RARB: variants seen among roughly 807,000 people sequenced by gnomAD.
RARB encodes HBV-activated protein.
Under a neutral mutation model 51.9 loss-of-function variants are expected in RARB, and 17 were observed. The observed-to-expected ratio is 0.33, with a 90% CI of 0.22 to 0.49. RARB has a LOEUF of 0.49. RARB is among the 20% of genes least tolerant of loss of function. The pLI, the probability that RARB is intolerant of heterozygous loss-of-function variation, is 0.99. For missense variants in RARB, 369 were observed against 550.8 expected (o/e 0.67, Z 3.30); for synonymous variants, 215 against 195.4 (o/e 1.10, Z -0.84).
Position 25,436,524 on chromosome 3 carries a change from A to G in RARB, c.157+7636A>G, listed in dbSNP as rs116825272. Among the ~76,000 whole-genome samples the G allele has an allele frequency of 3.5e-3, 533 of 152,294 alleles. 4 individuals carry two copies. Among genetic ancestry groups the G allele is most frequent in the African/African-American group, 0.012 (504 of 41,574 alleles). ...TTAGAGATTATTTATTGAAAGCTTTAATTGTTCACTGGGGCCCTCCTTATC... is the reference window on the plus strand; with the variant it reads ...TTAGAGATTATTTATTGAAAGCTTTGATTGTTCACTGGGGCCCTCCTTATC... On this transcript the variant is annotated intron_variant, in intron 1 of 7. Transcript: ENST00000330688.
chr3:25,050,710 T>G (rs1698315760), intron 2 of RARB, among the ~76,000 whole-genome samples: 1 of 152,208 alleles, frequency 6.6e-6, no homozygotes, highest in Admixed American at 6.5e-5. Flanking sequence ...TAGAAAAAGA[T>G]TTAACTCTTT....
At chr3:25,539,369 A>G (rs1699271525) in intron 3 of RARB, among the ~76,000 whole-genome samples, 1 of 152,026 alleles carries the variant, frequency 6.6e-6, no homozygotes, top group African/African-American at 2.4e-5. Context: ...CAAGGTACTG[A>G]GAATAATTCT....
chr3:24,971,141 G>A (rs1299401211), intron 2 of RARB, among the ~76,000 whole-genome samples: 1 of 151,904 alleles, frequency 6.6e-6, no homozygotes, highest in Non-Finnish European at 1.5e-5. Context: ...CATTTCTAAT[G>A]ACATCTATTG....
In RARB at chr3:25,218,427, C is replaced by G. The variant is rs114709426; in HGVS notation, c.178+43852C>G. Among the ~76,000 whole-genome samples, 692 of 152,066 alleles carry G rather than the reference C, an allele frequency of 4.6e-3. 9 individuals carry two copies. The highest frequency in any genetic ancestry group is 0.016 in the African/African-American group (647 of 41,482). ...GTATAGTTCCCAAGTTGTTCCTTTT[C>G]ACTTGTGAAAAGTGTCATTGTAAAA... On this transcript the variant is annotated intron_variant, in intron 5 of 11. Transcript: ENST00000383772.
At chr3:25,401,224 T>C (rs947107002) in intron 5 of RARB, among the ~76,000 whole-genome samples, 1 of 152,200 alleles carries the variant, frequency 6.6e-6, no homozygotes, top group Admixed American at 6.5e-5. Flanking sequence ...AAGGTAGACC[T>C]GGGCTGAGAA....
chr3:25,467,728 C>T (rs529637048), intron 2 of RARB, among the ~76,000 whole-genome samples: 7 of 152,296 alleles, frequency 4.6e-5, no homozygotes, highest in Admixed American at 1.3e-4. Flanking sequence ...GGTTACATAC[C>T]GTCTTCTATT....
At chr3:24,953,471 A>G (rs914727051) in intron 2 of RARB, among the ~76,000 whole-genome samples, 2 of 152,168 alleles carry the variant, frequency 1.3e-5, no homozygotes, top group Non-Finnish European at 2.9e-5. Flanking sequence ...ACACTAGTGC[A>G]TTTAAGAAAG....
At chr3:25,391,329 A>G (rs775720607) in intron 5 of RARB, among the ~76,000 whole-genome samples, 61 of 151,930 alleles carry the variant, frequency 4.0e-4, no homozygotes, top group Non-Finnish European at 8.1e-4. Flanking sequence ...ATATTTTTGC[A>G]GTTGTGAATT....
intron 5 of RARB, among the ~76,000 whole-genome samples, chr3:25,390,471 C>T (rs920968106): frequency 4.9e-4 from 74 of 152,246 alleles, no homozygotes; most frequent in African/African-American, 1.7e-3. Context: ...CCCAGTCTAA[C>T]GTATTTTGTT....
At chr3:25,534,938 A>G (rs1699077112) in intron 3 of RARB, among the ~76,000 whole-genome samples, 1 of 152,144 alleles carries the variant, frequency 6.6e-6, no homozygotes, top group African/African-American at 2.4e-5. Context: ...CCCAGACCAT[A>G]TTCTGTATGC....
intron 5 of RARB, among the ~76,000 whole-genome samples, chr3:25,186,327 C>T (rs1474203534): frequency 6.6e-6 from 1 of 151,372 alleles, no homozygotes; most frequent in African/African-American, 2.4e-5. Context: ...TCATCAGATA[C>T]TTTGAAACAC....
upstream of RARB, among the ~76,000 whole-genome samples, chr3:25,425,952 C>G (rs1267634220): frequency 2.6e-5 from 4 of 152,224 alleles, no homozygotes; most frequent in African/African-American, 9.7e-5. Flanking sequence ...TGCCATGTTT[C>G]TCATCTCTAA....
At position 25,326,946 on chromosome 3, in the gene RARB, G is replaced by A. The variant is rs1004523497; in HGVS notation, c.179-134247G>A. Among the ~76,000 whole-genome samples the A allele has an allele frequency of 2.6e-5, 4 of 151,732 alleles. No homozygotes were observed. The South Asian group carries it at 6.2e-4, about 24-fold the overall frequency. On this transcript the variant is annotated intron_variant, in intron 5 of 11. Coordinates refer to the RARB transcript ENST00000383772. ...GTTGGTGTGCTGCACCCATTAACTC[G>A]TCATTTAACATTAGGTATATCTCCT...
In RARB at chr3:25,557,704, G is replaced by T. The variant is rs79150487; in HGVS notation, c.449-12054G>T. 5.4e-3 allele frequency among the ~76,000 whole-genome samples: 824 copies of T among 152,214 alleles called. 6 individuals carry two copies. The highest frequency in any genetic ancestry group is 0.019 in the African/African-American group (769 of 41,518). On this transcript the variant is annotated intron_variant, in intron 3 of 7. Transcript: ENST00000330688. Reference sequence around the variant, plus strand: ...CTCGGAACTTCTAGCAACTACTTCAGTGGTCCCTATACCCCTAATCATTTC... The same window carrying T: ...CTCGGAACTTCTAGCAACTACTTCATTGGTCCCTATACCCCTAATCATTTC...
chr3:25,368,420 G>A (rs1312057908), intron 5 of RARB, among the ~76,000 whole-genome samples: 1 of 152,090 alleles, frequency 6.6e-6, no homozygotes, highest in African/African-American at 2.4e-5. Context: ...ATTCATATAT[G>A]TCATTAAGAT....
At chr3:24,910,799 C>T (rs1442805320) in intron 2 of RARB, among the ~76,000 whole-genome samples, 4 of 152,136 alleles carry the variant, frequency 2.6e-5, no homozygotes, top group Admixed American at 1.3e-4. Context: ...TGTGGAAACC[C>T]CAAAATGACA....
chr3:25,593,731 C>A (rs1415538031), intron 6 of RARB, 24 bp downstream of exon 6: 1 of 1,592,796 alleles, frequency 6.3e-7, no homozygotes, highest in South Asian at 1.1e-5. Context: ...AGAAAAGCCT[C>A]ATGAAATTCC....
chr3:25,474,784 A>G (rs1022784554), intron 2 of RARB, among the ~76,000 whole-genome samples: 2 of 152,220 alleles, frequency 1.3e-5, no homozygotes, highest in African/African-American at 4.8e-5. Flanking sequence ...AAATGAAATT[A>G]AATGTATAAT....
intron 5 of RARB, among the ~76,000 whole-genome samples, chr3:25,184,561 G>A (rs183990578): frequency 5.9e-5 from 9 of 152,198 alleles, no homozygotes; most frequent in African/African-American, 1.4e-4. Flanking sequence ...TGAAAATGGA[G>A]TGAGAGAGGT....
Sources: gnomAD v4.1 joint callset for allele counts (sites outside exome capture counted in the v4.1 genomes callset) on GRCh38, gnomAD v4.1.1 for gene constraint, MANE v1.5 for transcripts, NCBI Gene and HGNC (gene_info 2026-07-23, HGNC 2026-07-21) for gene names.